PIBF1: variants seen among roughly 807,000 people sequenced by gnomAD.
The protein encoded by PIBF1 is progesterone-induced-blocking factor 1.
In PIBF1, 90 loss-of-function variants were observed where a neutral mutation model predicts 112.5. That is an observed-to-expected ratio of 0.80 (90% CI 0.67 to 0.95). The LOEUF (loss-of-function observed/expected upper bound fraction) is 0.95, where lower values mean the gene tolerates loss of function less well. Ranked by LOEUF, PIBF1 falls within the 40% of genes least tolerant of loss-of-function variation. The pLI is 0.00. For missense variants in PIBF1, 915 were observed against 852.3 expected (o/e 1.07, Z -0.92); for synonymous variants, 301 against 288.6 (o/e 1.04, Z -0.44).
chr13:72,948,998 T>A (rs1159988161), intron 14 of PIBF1, among the ~76,000 whole-genome samples: 1 of 152,156 alleles, frequency 6.6e-6, no homozygotes, highest in East Asian at 1.9e-4. Flanking sequence ...TCAACAAGTA[T>A]ATCAAAGAAG....
intron 7 of PIBF1, 27 bp from the exon 8 acceptor site, chr13:72,827,706 A>C (rs1480262288): frequency 7.5e-7 from 1 of 1,338,162 alleles, no homozygotes. Flanking sequence ...ATCACTGTGG[A>C]TACTTTTTGT....
At chr13:72,810,878 A>T (rs2035974343) in intron 5 of PIBF1, among the ~76,000 whole-genome samples, 1 of 145,882 alleles carries the variant, frequency 6.9e-6, no homozygotes, top group Non-Finnish European at 1.5e-5. Flanking sequence ...TTTTTTTGAG[A>T]CGGAGTCTCG....
intron 11 of PIBF1, among the ~76,000 whole-genome samples, chr13:72,904,448 T>TTTTTTTTTTTG: frequency 8.4e-6 from 1 of 119,584 alleles, no homozygotes; most frequent in African/African-American, 3.2e-5. Flanking sequence ...TTTTTTTTTT[T>TTTTTTTTTTTG]TTTTTTTTTT....
chr13:72,878,622 A>T (rs1022370982), intron 10 of PIBF1, among the ~76,000 whole-genome samples: 2 of 152,150 alleles, frequency 1.3e-5, no homozygotes, highest in African/African-American at 4.8e-5. Context: ...GCTATTGTTG[A>T]TAAATTGTGA....
intron 17 of PIBF1, among the ~76,000 whole-genome samples, chr13:73,001,067 A>G (rs1333235967): frequency 6.6e-6 from 1 of 152,192 alleles, no homozygotes; most frequent in Non-Finnish European, 1.5e-5. Flanking sequence ...AAAGACTGTA[A>G]GCTAATGCAG....
intron 9 of PIBF1, among the ~76,000 whole-genome samples, chr13:72,853,802 A>G (rs913650625): frequency 2.0e-5 from 3 of 152,194 alleles, no homozygotes; most frequent in African/African-American, 7.2e-5. Flanking sequence ...AAATTACTAT[A>G]TATACAAACT....
intron 8 of PIBF1, among the ~76,000 whole-genome samples, chr13:72,829,101 C>T (rs2036973294): frequency 6.6e-6 from 1 of 152,096 alleles, no homozygotes; most frequent in Middle Eastern, 3.4e-3. Context: ...TGTCTATATC[C>T]TTTGCCCACT....
intron 9 of PIBF1, among the ~76,000 whole-genome samples, chr13:72,850,343 A>G (rs2038078069): frequency 6.6e-6 from 1 of 152,018 alleles, no homozygotes; most frequent in Non-Finnish European, 1.5e-5. Flanking sequence ...TTATTCACCT[A>G]CCTCTCTTAC....
chr13:73,006,139 G>A (rs896105209), intron 17 of PIBF1, among the ~76,000 whole-genome samples: 11 of 151,798 alleles, frequency 7.2e-5, no homozygotes, highest in Admixed American at 4.6e-4. Flanking sequence ...TGCTGGTCTC[G>A]AACTCTTGAC....
intron 11 of PIBF1, among the ~76,000 whole-genome samples, chr13:72,899,953 C>T (rs1195176770): frequency 1.3e-5 from 2 of 152,148 alleles, no homozygotes; most frequent in Admixed American, 1.3e-4. Flanking sequence ...CACTTCTATA[C>T]ACCAACAGCG....
chr13:72,889,161 T>A (rs2039965996), intron 10 of PIBF1, among the ~76,000 whole-genome samples: 1 of 152,226 alleles, frequency 6.6e-6, no homozygotes, highest in Non-Finnish European at 1.5e-5. Context: ...AATATTTACT[T>A]GTGCAGAGAA....
chr13:72,957,770 C>A (rs1197624836), intron 14 of PIBF1, among the ~76,000 whole-genome samples: 3 of 151,932 alleles, frequency 2.0e-5, no homozygotes, highest in African/African-American at 7.3e-5. Flanking sequence ...AAGACCCTAT[C>A]TCTAAAAAAA....
Position 72,984,689 on chromosome 13 carries a change from A to G in PIBF1, c.2049+11014A>G, listed in dbSNP as rs117579105. Among the ~76,000 whole-genome samples, 1,318 of 152,232 alleles carry G rather than the reference A, an allele frequency of 8.7e-3. 64 individuals carry two copies. The highest frequency in any genetic ancestry group is 9.6e-3 in the East Asian group (50 of 5,182). On this transcript the variant is annotated intron_variant, in intron 16 of 17. Coordinates refer to ENST00000326291, the MANE Select transcript of PIBF1 (RefSeq NM_006346.4). ...GTACTCTCTGGACCACTGTGTTTAT[A>G]TAGGCTTGTATAGAACCTAATAGAA...
intron 16 of PIBF1, among the ~76,000 whole-genome samples, chr13:72,988,879 A>G (rs1227132286): frequency 6.6e-6 from 1 of 152,076 alleles, no homozygotes; most frequent in Non-Finnish European, 1.5e-5. Context: ...TCTACTAAAA[A>G]TACAAAAAAT....
intron 15 of PIBF1, 95 bp from the exon 16 acceptor site, chr13:72,973,496 C>T (rs1182210599): frequency 1.6e-6 from 1 of 627,540 alleles, no homozygotes; most frequent in Admixed American, 3.7e-5. Flanking sequence ...TAGTTCAAAC[C>T]ATCAGATTCA....
chr13:72,904,114 A>G (rs965679048), intron 11 of PIBF1, among the ~76,000 whole-genome samples: 1 of 151,606 alleles, frequency 6.6e-6, no homozygotes. Flanking sequence ...TTCACTTTTC[A>G]GATCCCATAA....
intron 2 of PIBF1, among the ~76,000 whole-genome samples, chr13:72,786,273 G>C (rs2034591437): frequency 6.6e-6 from 1 of 152,138 alleles, no homozygotes; most frequent in African/African-American, 2.4e-5. Context: ...GTAGAAGATT[G>C]CAATAGTCGT....
rs192542068 is a variant in PIBF1 at position 72,871,345 on chromosome 13, G to A, written c.1322+17190G>A. On this transcript the variant is annotated intron_variant, in intron 10 of 17. Transcript: ENST00000326291. ...TTTTGAGATGGAGTCTTGCTCTGTC[G>A]CCCAGGCTGGAGTGCAATGGCGCAA... Among the ~76,000 whole-genome samples the A allele has an allele frequency of 8.0e-4, 121 of 151,824 alleles. 1 individual carries two copies. Among genetic ancestry groups the A allele is most frequent in the Non-Finnish European group, 1.3e-3 (91 of 67,934 alleles).
intron 16 of PIBF1, among the ~76,000 whole-genome samples, chr13:72,987,858 A>ATTTATTTATTTATTTTTT (rs1345167411): frequency 1.7e-5 from 1 of 58,118 alleles, no homozygotes; most frequent in Admixed American, 2.4e-4. Context: ...TTATTTATTT[A>ATTTATTTATTTATTTTTT]TTTTTTTTTT....
Sources: gnomAD v4.1 joint callset for allele counts (sites outside exome capture counted in the v4.1 genomes callset) on GRCh38, gnomAD v4.1.1 for gene constraint, MANE v1.5 for transcripts, NCBI Gene and HGNC (gene_info 2026-07-23, HGNC 2026-07-21) for gene names.